The following WDR27 variants were observed in gnomAD, a reference collection of about 807,000 sequenced individuals.
WDR27 encodes WD repeat domain 27, also known as WD repeat-containing protein 27.
Under a neutral mutation model 114.4 loss-of-function variants are expected in WDR27, and 100 were observed. The observed-to-expected ratio is 0.87, with a 90% CI of 0.74 to 1.03. The LOEUF (loss-of-function observed/expected upper bound fraction) is 1.03. Among genes scored for constraint, WDR27 ranks in the 50% least tolerant of loss-of-function variants. WDR27 has a pLI of 0.00. For synonymous variants in WDR27, 449 were observed against 423.1 expected, an observed-to-expected ratio of 1.06 and a Z score of -0.75; for missense variants, 1,129 against 1,092.9, an observed-to-expected ratio of 1.03 and a Z score of -0.47.
intron 25 of WDR27, among the ~76,000 whole-genome samples, chr6:169,530,795 C>T (rs1432849273): frequency 6.6e-6 from 1 of 152,186 alleles, no homozygotes; most frequent in Non-Finnish European, 1.5e-5. Context: ...AACAAAGGCT[C>T]AATTCTAAAT....
intron 23 of WDR27, among the ~76,000 whole-genome samples, chr6:169,601,072 G>A (rs1207317985): frequency 6.6e-6 from 1 of 152,154 alleles, no homozygotes; most frequent in Non-Finnish European, 1.5e-5. Flanking sequence ...GAAAGGTCGG[G>A]TTACCCACAA....
chr6:169,555,202 G>A lies in WDR27; in HGVS notation c.2645+17217C>T, dbSNP rs536374158. ...CTTCACATCAGCATCTAAAGCCTGCGATGGAGACACCAAGGTCTGACGTTA... is the reference window on the plus strand; with the variant it reads ...CTTCACATCAGCATCTAAAGCCTGCAATGGAGACACCAAGGTCTGACGTTA... On this transcript the variant is annotated intron_variant, in intron 25 of 25. Coordinates refer to ENST00000448612, the MANE Select transcript of WDR27 (RefSeq NM_182552.5). 1.1e-3 allele frequency among the ~76,000 whole-genome samples: 170 copies of A among 152,274 alleles called. 1 individual carries two copies. Among genetic ancestry groups the A allele is most frequent in the African/African-American group, 4.0e-3 (165 of 41,564 alleles).
intron 25 of WDR27, among the ~76,000 whole-genome samples, chr6:169,504,110 TAAAAC>T (rs1000007461): frequency 3.9e-5 from 6 of 152,202 alleles, no homozygotes; most frequent in African/African-American, 9.6e-5. Context: ...AGTTATGTGA[TAAAAC>T]AAATGTGGTA....
rs1389571332 is a variant in WDR27 at position 169,662,285 on chromosome 6, CAA to C, written c.1025+17_1025+18del. On this transcript the variant is annotated intron_variant, in intron 9 of 25. Coordinates refer to ENST00000448612, the MANE Select transcript of WDR27 (RefSeq NM_182552.5). ...AGAGGTTTCCTTTATGTGGCATAGG[CAA>C]AGTTTTTGATACTTACCATCCACAT... 4.3e-6 allele frequency: 7 copies of C among 1,610,062 alleles called. No individual in the cohort carries two copies. The highest frequency in any genetic ancestry group is 2.2e-5 in the South Asian group (2 of 90,876).
intron 18 of WDR27, among the ~76,000 whole-genome samples, chr6:169,637,078 C>A (rs1817814315): frequency 6.6e-6 from 1 of 152,160 alleles, no homozygotes; most frequent in Admixed American, 6.5e-5. Context: ...ATGTTATGTT[C>A]TTTGCAAGTC....
chr6:169,602,462 TA>T (rs1349863912), intron 22 of WDR27, 141 bp from the exon 23 acceptor site: 2 of 585,766 alleles, frequency 3.4e-6, no homozygotes, highest in African/African-American at 3.7e-5. Flanking sequence ...TGAGAATTAT[TA>T]AATGGTTAAT....
At chr6:169,518,098 G>C (rs1445314282) in intron 25 of WDR27, among the ~76,000 whole-genome samples, 1 of 152,214 alleles carries the variant, frequency 6.6e-6, no homozygotes, top group Non-Finnish European at 1.5e-5. Flanking sequence ...TGCCCCTATG[G>C]GTTTGCAGGC....
the WDR27 span, among the ~76,000 whole-genome samples, chr6:169,447,909 G>C: frequency 6.6e-6 from 1 of 152,066 alleles, no homozygotes; most frequent in Non-Finnish European, 1.5e-5. Context: ...CAATGAGTTG[G>C]ATTTTATACT....
chr6:169,567,979 G>A (rs1320551602), intron 25 of WDR27, among the ~76,000 whole-genome samples: 8 of 152,208 alleles, frequency 5.3e-5, no homozygotes, highest in African/African-American at 7.2e-5. Flanking sequence ...AGAACACAGC[G>A]CAGAAAAGCA....
chr6:169,584,591 C>T (rs9477993), intron 23 of WDR27, among the ~76,000 whole-genome samples: 73,462 of 152,084 alleles, frequency 0.48, 21,528 homozygotes, highest in Non-Finnish European at 0.67. Flanking sequence ...TTTTTGATAA[C>T]AGCCATCCTT....
At chr6:169,613,737 C>G in intron 21 of WDR27, 81 bp from the exon 22 acceptor site, 2 of 1,236,942 alleles carry the variant, frequency 1.6e-6, no homozygotes, top group East Asian at 2.5e-5. Flanking sequence ...CTCATAATAG[C>G]TGATTCTCAA....
intron 2 of WDR27, among the ~76,000 whole-genome samples, chr6:169,687,532 C>T (rs1310856578): frequency 1.3e-5 from 2 of 152,038 alleles, no homozygotes; most frequent in Admixed American, 6.5e-5. Flanking sequence ...ACCACTATGC[C>T]CTTTTCGAAA....
At chr6:169,455,034 C>T (rs1447994938), downstream of WDR27, among the ~76,000 whole-genome samples, 1 of 152,222 alleles carries the variant, frequency 6.6e-6, no homozygotes, top group Non-Finnish European at 1.5e-5. Context: ...AGTGTCTGAA[C>T]CTGGACTTTC....
chr6:169,660,557 C>T, intron 10 of WDR27, 106 bp downstream of exon 10: 1 of 898,614 alleles, frequency 1.1e-6, no homozygotes. Context: ...AGCATCTCAT[C>T]CTCAGATTCA....
At chr6:169,513,073 T>C (rs1011162614) in intron 25 of WDR27, among the ~76,000 whole-genome samples, 1 of 152,232 alleles carries the variant, frequency 6.6e-6, no homozygotes, top group Non-Finnish European at 1.5e-5. Flanking sequence ...TTTAAAATAA[T>C]AACCATTTTC....
chr6:169,613,907 C>G (rs1205599120), intron 21 of WDR27, among the ~76,000 whole-genome samples: 1 of 152,028 alleles, frequency 6.6e-6, no homozygotes, highest in Non-Finnish European at 1.5e-5. Context: ...TACAGAAGTA[C>G]AAAATGGTCA....
chr6:169,517,562 T>C (rs983693509), intron 25 of WDR27, among the ~76,000 whole-genome samples: 6 of 152,246 alleles, frequency 3.9e-5, no homozygotes, highest in Non-Finnish European at 8.8e-5. Flanking sequence ...CTTTTATATT[T>C]ACCTATTTAG....
intron 1 of WDR27, among the ~76,000 whole-genome samples, chr6:169,696,901 G>A (rs547839063): frequency 9.2e-5 from 14 of 152,260 alleles, no homozygotes; most frequent in East Asian, 1.9e-4. Flanking sequence ...ACGACAGAGC[G>A]AGACCCTGTC....
chr6:169,690,012 T>C (rs9371167), intron 1 of WDR27, among the ~76,000 whole-genome samples: 58,517 of 149,610 alleles, frequency 0.39, 13,147 homozygotes, highest in East Asian at 0.93. Context: ...ATGCTGGTCA[T>C]GTGAATTCAG....
Sources: allele counts gnomAD v4.1 joint callset (sites outside exome capture counted in the v4.1 genomes callset), GRCh38; gene constraint gnomAD v4.1.1; transcripts MANE v1.5; gene names NCBI Gene and HGNC (gene_info 2026-07-23, HGNC 2026-07-21).